Variants in KDM3A observed in about 807,000 individuals in gnomAD.
The protein encoded by KDM3A is lysine-specific demethylase 3A.
Under a neutral mutation model 158.0 loss-of-function variants are expected in KDM3A, and 60 were observed. That is an observed-to-expected ratio of 0.38 (90% CI 0.31 to 0.47). KDM3A has a LOEUF of 0.47. Ranked by LOEUF, KDM3A falls within the 20% of genes least tolerant of loss-of-function variation. The pLI is 0.99. For missense variants in KDM3A, 1,319 were observed against 1,574.3 expected, an observed-to-expected ratio of 0.84 and a Z score of 2.74; for synonymous variants, 608 against 549.3, an observed-to-expected ratio of 1.11 and a Z score of -1.49.
intron 16 of KDM3A, 83 bp from the exon 17 acceptor site, chr2:86,481,846 TA>T: frequency 1.9e-6 from 2 of 1,049,730 alleles, no homozygotes; most frequent in Non-Finnish European, 2.8e-6. Context: ...AAGCAAGTTC[TA>T]AAGTAATTCT....
chr2:86,457,590 T>G (rs1672759793), intron 8 of KDM3A, among the ~76,000 whole-genome samples: 1 of 152,208 alleles, frequency 6.6e-6, no homozygotes, highest in Non-Finnish European at 1.5e-5. Flanking sequence ...TGGTATTTGC[T>G]GGAGATTCTC....
Position 86,491,114 on chromosome 2 carries a change from AC to A in KDM3A, c.3751-26del, listed in dbSNP as rs767887845. The A allele has an allele frequency of 3.1e-6, 5 of 1,613,548 alleles. No individual in the cohort carries two copies. In the South Asian group the frequency reaches 4.4e-5, roughly 14 times the overall value. On this transcript the variant is annotated intron_variant, in intron 24 of 25. Coordinates refer to ENST00000312912, the MANE Select transcript of KDM3A (RefSeq NM_018433.6). ...TATGTCATGAACTTTTGGGTTTGTT[AC>A]TGATATATTACTTGGTGTTTTTCAG...
chr2:86,438,732 C>T (rs757055399), upstream of KDM3A, among the ~76,000 whole-genome samples: 1 of 151,990 alleles, frequency 6.6e-6, no homozygotes, highest in African/African-American at 2.4e-5. Context: ...TTCTAGTGTG[C>T]ACCCCCTAAT....
At chr2:86,477,378 C>T (rs1041117525) in intron 12 of KDM3A, among the ~76,000 whole-genome samples, 20 of 152,178 alleles carry the variant, frequency 1.3e-4, no homozygotes, top group African/African-American at 4.8e-4. Context: ...AATGGGCAGT[C>T]TGAGTGGATG....
Position 86,455,150 on chromosome 2 carries a change from G to A in KDM3A, c.519G>A (p.Leu173=). The A allele has an allele frequency of 6.2e-7, 1 of 1,606,298 alleles. No homozygotes were observed. Among genetic ancestry groups the A allele is most frequent in the South Asian group, 1.1e-5 (1 of 90,074 alleles). Residue 173 remains leucine (L), a synonymous_variant, in exon 5 of 26, where the codon TTG becomes TTA. Transcript: ENST00000312912. ...TTGTCAGTAAAGAATTTCAAGCTTT[G>A]ATTGTGAAGCATTTAGATGAAAGCC... ...NQIVSKEFQA[L]IVKHLDESHL... is the part of the protein sequence containing the mutation.
intron 18 of KDM3A, chr2:86,483,122 T>A (rs760752868): frequency 4.7e-5 from 8 of 168,596 alleles, no homozygotes; most frequent in Non-Finnish European, 8.9e-5. Flanking sequence ...CCGCGTGGTG[T>A]CACATAGTCC....
chr2:86,477,817 C>A, intron 12 of KDM3A, 60 bp from the exon 13 acceptor site: 1 of 1,497,692 alleles, frequency 6.7e-7, no homozygotes, highest in Non-Finnish European at 9.0e-7. Context: ...CCCTACCTTT[C>A]GTTTTTGGTT....
intron 12 of KDM3A, 141 bp from the exon 13 acceptor site, chr2:86,477,733 TGGA>T: frequency 1.5e-6 from 1 of 689,010 alleles, no homozygotes; most frequent in Non-Finnish European, 2.4e-6. Context: ...CTTCATGGGG[TGGA>T]GGACAGCATT....
Position 86,442,076 on chromosome 2 carries a change from CG to C in KDM3A, c.31del (p.Val11TyrfsTer51). 1 of 1,614,022 alleles carries C rather than the reference CG, an allele frequency of 6.2e-7. No individual in the cohort carries two copies. The highest frequency in any genetic ancestry group is 8.5e-7 in the Non-Finnish European group (1 of 1,179,970). MVLTLGESWPVLVGRRFLSL... is the reference protein window; with the variant it reads MVLTLGESWXVLVGRRFLSL... ...GTGCTCACGCTCGGAGAAAGTTGGCCGGTATTGGTGGGGAGGAGGTTTCTCA... is the reference window on the plus strand; with the variant it reads ...GTGCTCACGCTCGGAGAAAGTTGGCCGTATTGGTGGGGAGGAGGTTTCTCA... On this transcript the variant is annotated frameshift_variant, in exon 2 of 26. Transcript: ENST00000312912. LOFTEE classifies it high-confidence loss of function.
rs369518183 is a variant in KDM3A at position 86,474,701 on chromosome 2, TTGTG to T, written c.1725-37_1725-34del. 1,437 of 428,908 alleles carry T rather than the reference TTGTG, an allele frequency of 3.4e-3. 6 individuals carry two copies. Among genetic ancestry groups the T allele is most frequent in the African/African-American group, 0.021 (884 of 42,252 alleles). The allele number at this position is 428,908 out of a possible 1,614,324, so 26.6% of individuals were successfully genotyped here. On this transcript the variant is annotated intron_variant, in intron 11 of 25. Transcript: ENST00000312912. ...AAAGTAATTACAAGTTGTAAATAAG[TTGTG>T]TGTGTGTGTGTGTGTGTGTGTGTGT...
intron 2 of KDM3A, among the ~76,000 whole-genome samples, chr2:86,442,920 G>A (rs928806731): frequency 6.6e-6 from 1 of 151,952 alleles, no homozygotes; most frequent in Non-Finnish European, 1.5e-5. Flanking sequence ...GGGAGGGAGA[G>A]AATTGGGAAC....
In KDM3A at chr2:86,492,167, C is replaced by G. The variant is rs766296974; in HGVS notation, c.*48C>G. 7.3e-7 allele frequency: 1 copy of G among 1,373,710 alleles called. No homozygotes were observed. 85.1% of individuals were successfully genotyped at this position (1,373,710 alleles called of 1,614,324 possible). A position where few individuals can be genotyped will look rare whatever the true frequency, so the allele number is the denominator to read the frequency against. On this transcript the variant is annotated 3_prime_UTR_variant, in exon 26 of 26. Transcript: ENST00000312912. ...ATTACAGGCAGCTGTTCAAACTCTTCAGGCAGGATTCCTGTGGACTTTGAG... is the reference window on the plus strand; with the variant it reads ...ATTACAGGCAGCTGTTCAAACTCTTGAGGCAGGATTCCTGTGGACTTTGAG...
chr2:86,459,180 A>C (rs1053729034), intron 8 of KDM3A, among the ~76,000 whole-genome samples: 1 of 152,150 alleles, frequency 6.6e-6, no homozygotes, highest in Non-Finnish European at 1.5e-5. Flanking sequence ...AAAGGGGCTG[A>C]GCTGCTGAGG....
At position 86,442,222 on chromosome 2, in the gene KDM3A, A is replaced by G; in HGVS notation, c.175A>G (p.Lys59Glu). Residue 59 changes from lysine to glutamate, a missense_variant, in exon 2 of 26, where the codon AAG (lysine) becomes GAG (glutamate). Coordinates refer to ENST00000312912, the MANE Select transcript of KDM3A (RefSeq NM_018433.6). The part of the protein sequence containing the change: ...RAVSHTDVTK[K>E]DLKVCVEFDG... ...TGTTTCCCACACCGACGTTACCAAG[A>G]AGGATCTGAAGGTACAGGCGGCTCC... 1 of 1,608,126 alleles carries G rather than the reference A, an allele frequency of 6.2e-7. No homozygotes were observed. The highest frequency in any genetic ancestry group is 1.1e-5 in the South Asian group (1 of 90,786).
At chr2:86,449,674 C>T in intron 2 of KDM3A, 133 bp from the exon 3 acceptor site, 3 of 959,270 alleles carry the variant, frequency 3.1e-6, no homozygotes, top group Non-Finnish European at 4.5e-6. Context: ...AGTGAGGGAG[C>T]TGGAAGGGGG....
At chr2:86,479,906 G>A in intron 15 of KDM3A, 2 of 481,308 alleles carry the variant, frequency 4.2e-6, no homozygotes, top group South Asian at 4.7e-5. Flanking sequence ...GAGTAATAGG[G>A]ATATGTACCA....
intron 18 of KDM3A, 129 bp downstream of exon 18, chr2:86,482,823 G>T: frequency 8.1e-6 from 7 of 863,176 alleles, no homozygotes; most frequent in Non-Finnish European, 1.3e-5. Context: ...ATTGTTTCAG[G>T]TGAATATAAT....
At chr2:86,444,799 A>G (rs896458739) in intron 2 of KDM3A, among the ~76,000 whole-genome samples, 1 of 152,218 alleles carries the variant, frequency 6.6e-6, no homozygotes, top group African/African-American at 2.4e-5. Context: ...TAATGAGGCC[A>G]AGGCTTGTTA....
Position 86,464,084 on chromosome 2 carries a change from T to C in KDM3A, c.875T>C (p.Val292Ala), listed in dbSNP as rs1316567338. The change falls in exon 9 of 26, where the codon GTA becomes GCA. Residue 292 changes from valine to alanine, a missense_variant. Physicochemically the swap from Val to Ala is moderately conservative, Grantham distance 64. This residue lies in a region of KDM3A where 652 missense variants were observed against 627.2 expected (regional missense o/e 1.04). Coordinates refer to ENST00000312912, the MANE Select transcript of KDM3A (RefSeq NM_018433.6). Reference protein sequence around the residue: ...ASPSMCPVQSVPTTVFKEILL... With the variant: ...ASPSMCPVQSAPTTVFKEILL... ...CCCAGTATGTGTCCTGTGCAGTCTGTACCTACAACAGTTTTTAAGGAGATA... is the reference window on the plus strand; with the variant it reads ...CCCAGTATGTGTCCTGTGCAGTCTGCACCTACAACAGTTTTTAAGGAGATA... The C allele has an allele frequency of 1.1e-5, 18 of 1,611,678 alleles. No homozygotes were observed. Among genetic ancestry groups the C allele is most frequent in the Non-Finnish European group, 1.4e-5 (17 of 1,178,536 alleles).
Sources: gnomAD v4.1 joint callset for allele counts (sites outside exome capture counted in the v4.1 genomes callset) on GRCh38, gnomAD v4.1.1 for gene constraint, gnomAD v4.1.1 regional missense constraint, MANE v1.5 for transcripts, NCBI Gene and HGNC (gene_info 2026-07-23, HGNC 2026-07-21) for gene names.